CA10: variants seen among roughly 807,000 people sequenced by gnomAD.
The protein encoded by CA10 is carbonic anhydrase 10 (inactive).
Under a neutral mutation model 44.2 loss-of-function variants are expected in CA10, and 14 were observed. The observed-to-expected ratio is 0.32, with a 90% confidence interval of 0.21 to 0.50. The LOEUF (loss-of-function observed/expected upper bound fraction) is 0.50, where lower values mean the gene tolerates loss of function less well. Among genes scored for constraint, CA10 ranks in the 20% least tolerant of loss-of-function variants. The pLI is 0.99. For missense variants in CA10, 350 were observed against 409.7 expected, an observed-to-expected ratio of 0.85 and a Z score of 1.26; for synonymous variants, 159 against 141.6, an observed-to-expected ratio of 1.12 and a Z score of -0.87.
chr17:51,651,321 A>G (rs1224420030), intron 5 of CA10, among the ~76,000 whole-genome samples: 2 of 152,188 alleles, frequency 1.3e-5, no homozygotes, highest in African/African-American at 4.8e-5. Context: ...ATGCTCCATC[A>G]GAGTTTTGAG....
At chr17:51,783,866 C>T (rs926909909) in intron 3 of CA10, among the ~76,000 whole-genome samples, 4 of 152,070 alleles carry the variant, frequency 2.6e-5, no homozygotes, top group Admixed American at 1.3e-4. Context: ...GTGAGGGGGC[C>T]GCTGAGCAGA....
At chr17:51,898,598 G>A (rs1281034092) in intron 3 of CA10, among the ~76,000 whole-genome samples, 1 of 152,038 alleles carries the variant, frequency 6.6e-6, no homozygotes, top group Non-Finnish European at 1.5e-5. Flanking sequence ...CTTCTCCTCA[G>A]CTTTTAGGAA....
At chr17:52,074,381 C>T (rs1987763183) in intron 1 of CA10, among the ~76,000 whole-genome samples, 1 of 152,160 alleles carries the variant, frequency 6.6e-6, no homozygotes. Flanking sequence ...CATCACCTAA[C>T]AGTTTTGCAT....
At chr17:52,084,209 C>T (rs1029682623) in intron 1 of CA10, among the ~76,000 whole-genome samples, 8 of 152,118 alleles carry the variant, frequency 5.3e-5, no homozygotes, top group African/African-American at 1.9e-4. Flanking sequence ...AAGCCCAATG[C>T]CCGGTAGAAA....
chr17:51,875,070 C>T (rs1415989906), intron 3 of CA10, among the ~76,000 whole-genome samples: 1 of 151,522 alleles, frequency 6.6e-6, no homozygotes, highest in Non-Finnish European at 1.5e-5. Context: ...ACCTCCTGGG[C>T]TCAAGCCATC....
chr17:52,030,474 G>T (rs1317974876), intron 2 of CA10, among the ~76,000 whole-genome samples: 1 of 152,116 alleles, frequency 6.6e-6, no homozygotes, highest in East Asian at 1.9e-4. Flanking sequence ...CCACATAAAT[G>T]GAAGCACAGG....
chr17:52,087,139 T>A (rs551343969), intron 1 of CA10, among the ~76,000 whole-genome samples: 2 of 152,274 alleles, frequency 1.3e-5, no homozygotes, highest in South Asian at 4.1e-4. Context: ...TTCTTGTAAT[T>A]AATTAATTAA....
chr17:52,007,123 C>T (rs1328272194), intron 2 of CA10, among the ~76,000 whole-genome samples: 2 of 151,514 alleles, frequency 1.3e-5, no homozygotes, highest in African/African-American at 4.8e-5. Flanking sequence ...TGCAATAAAC[C>T]TTTTAAACAC....
chr17:51,790,608 C>G (rs533206118), intron 3 of CA10, among the ~76,000 whole-genome samples: 13 of 152,268 alleles, frequency 8.5e-5, no homozygotes, highest in African/African-American at 3.1e-4. Context: ...ACCTTGAGGG[C>G]AGAGATTCCG....
chr17:51,695,671 G>A (rs142063542), intron 4 of CA10, among the ~76,000 whole-genome samples: 270 of 152,206 alleles, frequency 1.8e-3, no homozygotes, highest in African/African-American at 6.3e-3. Context: ...TTTCTTGCCA[G>A]ATTGCTCTGG....
At chr17:52,074,800 C>T (rs1266511718) in intron 1 of CA10, among the ~76,000 whole-genome samples, 2 of 151,928 alleles carry the variant, frequency 1.3e-5, no homozygotes, top group Non-Finnish European at 2.9e-5. Context: ...AAAACTTGTG[C>T]CTGCTAGCCA....
chr17:52,115,991 C>T (rs1024517642), intron 1 of CA10, among the ~76,000 whole-genome samples: 1 of 151,906 alleles, frequency 6.6e-6, no homozygotes, highest in African/African-American at 2.4e-5. Context: ...GCTTGGGAGG[C>T]TGAGTCAGGA....
chr17:52,034,017 A>T (rs1320263701), intron 2 of CA10, among the ~76,000 whole-genome samples: 1 of 152,228 alleles, frequency 6.6e-6, no homozygotes, highest in Non-Finnish European at 1.5e-5. Context: ...ATGGTGGTTG[A>T]CAAAAATTCA....
At chr17:51,857,282 G>A (rs1359045927) in intron 3 of CA10, among the ~76,000 whole-genome samples, 1 of 152,106 alleles carries the variant, frequency 6.6e-6, no homozygotes, top group African/African-American at 2.4e-5. Context: ...GGACACTGAG[G>A]TTCTGAGAAG....
At chr17:51,914,402 A>C (rs75095938) in intron 3 of CA10, among the ~76,000 whole-genome samples, 1 of 152,160 alleles carries the variant, frequency 6.6e-6, no homozygotes, top group Non-Finnish European at 1.5e-5. Flanking sequence ...TTTATGTGCC[A>C]TTTTTTTGAT....
chr17:52,138,901 C>A (rs1276003375), intron 1 of CA10, among the ~76,000 whole-genome samples: 3 of 152,198 alleles, frequency 2.0e-5, no homozygotes, highest in African/African-American at 7.2e-5. Context: ...ACCCAGTGGA[C>A]ACAGCCTCCT....
chr17:51,909,698 A>G (rs1316111220), intron 3 of CA10, among the ~76,000 whole-genome samples: 2 of 152,074 alleles, frequency 1.3e-5, no homozygotes, highest in African/African-American at 4.8e-5. Flanking sequence ...TCAGCTTTTT[A>G]TAATTTAGTT....
chr17:51,673,879 A>G (rs1914518407), intron 4 of CA10, among the ~76,000 whole-genome samples: 1 of 152,166 alleles, frequency 6.6e-6, no homozygotes, highest in African/African-American at 2.4e-5. Flanking sequence ...CCCAGCCCAC[A>G]TAAGCCGGCC....
intron 3 of CA10, among the ~76,000 whole-genome samples, chr17:51,841,634 A>G (rs919004994): frequency 2.6e-5 from 4 of 152,250 alleles, no homozygotes; most frequent in Non-Finnish European, 4.4e-5. Context: ...AAAATCACCA[A>G]GTAAACATGG....
Sources: allele counts gnomAD v4.1 joint callset (sites outside exome capture counted in the v4.1 genomes callset), GRCh38; gene constraint gnomAD v4.1.1; transcripts MANE v1.5; gene names NCBI Gene and HGNC (gene_info 2026-07-23, HGNC 2026-07-21).